Variants in EPHB2 observed in about 807,000 individuals in gnomAD.
The protein encoded by EPHB2 is ephrin type-B receptor 2.
Under a neutral mutation model 96.4 loss-of-function variants are expected in EPHB2, and 18 were observed. That is an observed-to-expected ratio of 0.19 (90% CI 0.13 to 0.28). The LOEUF (loss-of-function observed/expected upper bound fraction) is 0.28, where lower values mean the gene tolerates loss of function less well. EPHB2 is among the 10% of genes least tolerant of loss of function. The pLI is 1.00. For synonymous variants in EPHB2, 506 were observed against 534.1 expected (o/e 0.95, Z 0.72); for missense variants, 989 against 1,355.4 (o/e 0.73, Z 4.25).
At chr1:22,867,306 A>C (rs540010741) in intron 5 of EPHB2, among the ~76,000 whole-genome samples, 1 of 152,216 alleles carries the variant, frequency 6.6e-6, no homozygotes, top group Non-Finnish European at 1.5e-5. Context: ...ATTTGTGAGC[A>C]TGGATGTATC....
intron 5 of EPHB2, among the ~76,000 whole-genome samples, chr1:22,870,089 C>T (rs771533618): frequency 2.6e-5 from 4 of 152,102 alleles, no homozygotes; most frequent in Admixed American, 6.5e-5. Context: ...ATTCAGTGGT[C>T]GGTTTTAAAC....
chr1:22,755,173 C>G (rs4655097), intron 1 of EPHB2, among the ~76,000 whole-genome samples: 148,800 of 152,184 alleles, frequency 0.98, 72,844 homozygotes, highest in East Asian at 1. Flanking sequence ...TCAGTTTATG[C>G]CGTCCTAGAA....
chr1:22,914,025 C>T lies in EPHB2; in HGVS notation c.*455C>T. 1.0e-6 allele frequency: 1 copy of T among 981,252 alleles called. No individual in the cohort carries two copies. The allele number at this position is 981,252 out of a possible 1,614,324, so 60.8% of individuals were successfully genotyped here. A position where few individuals can be genotyped will look rare whatever the true frequency, so the allele number is the denominator to read the frequency against. ...GACAGGGGCCGCCCTTGGCTCCTGT[C>T]CCTGCTGCTCCTCTAGGCCTCACTC... On this transcript the variant is annotated 3_prime_UTR_variant, in exon 16 of 16. Transcript: ENST00000374630.
At position 22,913,706 on chromosome 1, in the gene EPHB2, T is replaced by C. The variant is rs750730184; in HGVS notation, c.*136T>C. 1.3e-6 allele frequency: 2 copies of C among 1,598,230 alleles called. No individual in the cohort carries two copies. The highest frequency in any genetic ancestry group is 2.2e-5 in the South Asian group (2 of 89,012). ...ACGGGCCACGGGAAGAACCAAGCGG[T>C]GCCAGCCACGAGACGTCACCAAGAA... On this transcript the variant is annotated 3_prime_UTR_variant, in exon 16 of 16. Transcript: ENST00000374630. The surrounding 1 kb of genome is among the most constrained non-coding windows in gnomAD (Gnocchi z 4.1).
At chr1:22,834,201 C>A (rs1645347115) in intron 3 of EPHB2, among the ~76,000 whole-genome samples, 1 of 152,168 alleles carries the variant, frequency 6.6e-6, no homozygotes, top group Non-Finnish European at 1.5e-5. Context: ...CTGCTCTCAA[C>A]AAAGAAAAAT....
At position 22,917,374 on chromosome 1, in the gene EPHB2, C is replaced by G. The variant is rs910318882; in HGVS notation, c.*3804C>G. The G allele has an allele frequency of 1.3e-5, 2 of 152,228 alleles. No homozygotes were observed. The highest frequency in any genetic ancestry group is 4.8e-5 in the African/African-American group (2 of 41,454). 9.4% of individuals were successfully genotyped at this position (152,228 alleles called of 1,614,324 possible). A position where few individuals can be genotyped will look rare whatever the true frequency, so the allele number is the denominator to read the frequency against. On this transcript the variant is annotated 3_prime_UTR_variant, in exon 16 of 16. Coordinates refer to ENST00000374630, the MANE Select transcript of EPHB2 (RefSeq NM_017449.5). ...GGCCCTGGGCCACTCCTGGCTCACT[C>G]CAGGGCCCCTGTTGTTTGAAGATGG...
At chr1:22,909,995 G>T (rs1021104637) in intron 13 of EPHB2, among the ~76,000 whole-genome samples, 1 of 152,164 alleles carries the variant, frequency 6.6e-6, no homozygotes, top group East Asian at 1.9e-4. Flanking sequence ...CAAGCATGTG[G>T]CCATGTGGGG....
intron 7 of EPHB2, among the ~76,000 whole-genome samples, chr1:22,894,858 G>A (rs7545400): frequency 0.039 from 5,973 of 152,116 alleles, 387 homozygotes; most frequent in African/African-American, 0.14. Context: ...GGACTGTTCC[G>A]AGATACGTAA....
rs186770294 is a variant in EPHB2 at position 22,804,256 on chromosome 1, A to C, written c.811+19180A>C. On this transcript the variant is annotated intron_variant, in intron 3 of 15. Coordinates refer to ENST00000374630, the MANE Select transcript of EPHB2 (RefSeq NM_017449.5). ...TCCTGCCCAGCACTGTGCCTGCCACACAGGAGGTGCTTAGTGGGTGGGGGA... is the reference window on the plus strand; with the variant it reads ...TCCTGCCCAGCACTGTGCCTGCCACCCAGGAGGTGCTTAGTGGGTGGGGGA... 1.3e-3 allele frequency among the ~76,000 whole-genome samples: 204 copies of C among 152,284 alleles called. 2 individuals carry two copies. The highest frequency in any genetic ancestry group is 4.2e-3 in the African/African-American group (175 of 41,542).
chr1:22,742,399 G>A (rs1236945876), intron 1 of EPHB2, among the ~76,000 whole-genome samples: 1 of 152,206 alleles, frequency 6.6e-6, no homozygotes, highest in Non-Finnish European at 1.5e-5. Context: ...GCTCTGTCCA[G>A]GTTCCCAGCT....
In EPHB2 at chr1:22,806,022, G is replaced by A. The variant is rs143167125; in HGVS notation, c.811+20946G>A. Among the ~76,000 whole-genome samples, 1,139 of 152,294 alleles carry A rather than the reference G, an allele frequency of 7.5e-3. 19 individuals are homozygous for A. The highest frequency in any genetic ancestry group is 0.026 in the African/African-American group (1,060 of 41,554). ...GTCCAGCCCTAATTGTGCAGGTGGG[G>A]AAACTGAGGCTGGGAAGTCACATAG... On this transcript the variant is annotated intron_variant, in intron 3 of 15. Coordinates refer to ENST00000374630, the MANE Select transcript of EPHB2 (RefSeq NM_017449.5).
chr1:22,738,882 C>T (rs1035363759), intron 1 of EPHB2, among the ~76,000 whole-genome samples: 7 of 152,114 alleles, frequency 4.6e-5, no homozygotes, highest in African/African-American at 7.2e-5. Flanking sequence ...AGTCCTTGAA[C>T]GGTTTGGACC....
chr1:22,789,407 G>C (rs1644660023), intron 3 of EPHB2, among the ~76,000 whole-genome samples: 1 of 152,214 alleles, frequency 6.6e-6, no homozygotes, highest in Non-Finnish European at 1.5e-5. Context: ...ACCATTCCTG[G>C]TGTGGGCAGT....
intron 1 of EPHB2, among the ~76,000 whole-genome samples, chr1:22,720,081 C>T (rs1052423552): frequency 6.6e-6 from 1 of 152,338 alleles, no homozygotes; most frequent in African/African-American, 2.4e-5. Flanking sequence ...TCCCCCTACG[C>T]TCCTCGCTAT....
chr1:22,711,645 G>C (rs1233368143), intron 1 of EPHB2, among the ~76,000 whole-genome samples: 1 of 151,998 alleles, frequency 6.6e-6, no homozygotes, highest in South Asian at 2.1e-4. Flanking sequence ...TCCCCTCCCC[G>C]AGAGGACTGC....
intron 1 of EPHB2, among the ~76,000 whole-genome samples, chr1:22,763,653 A>C (rs947203701): frequency 3.9e-5 from 6 of 152,146 alleles, no homozygotes; most frequent in African/African-American, 1.4e-4. Flanking sequence ...CACTTTCTCG[A>C]CTGAGGATGG....
At chr1:22,763,462 C>T (rs1319812865) in intron 1 of EPHB2, among the ~76,000 whole-genome samples, 1 of 152,140 alleles carries the variant, frequency 6.6e-6, no homozygotes, top group African/African-American at 2.4e-5. Context: ...CCAAGCCTCT[C>T]CTGGACAGGC....
intron 3 of EPHB2, among the ~76,000 whole-genome samples, chr1:22,791,459 CTTTCTTTCTTTCTT>C (rs1308465185): frequency 7.7e-6 from 1 of 130,682 alleles, no homozygotes; most frequent in Non-Finnish European, 1.6e-5. Context: ...TTCTTTCTTT[CTTTCTTTCTTTCTT>C]TTTTTTTTTT....
At chr1:22,763,962 C>G (rs1644270792) in intron 1 of EPHB2, among the ~76,000 whole-genome samples, 1 of 152,158 alleles carries the variant, frequency 6.6e-6, no homozygotes, top group Non-Finnish European at 1.5e-5. Context: ...TAACGCCAAC[C>G]CTCCCACCCC....
Sources: gnomAD v4.1 joint callset for allele counts (sites outside exome capture counted in the v4.1 genomes callset) on GRCh38, gnomAD v4.1.1 for gene constraint, Gnocchi (gnomAD v3.1) non-coding constraint, MANE v1.5 for transcripts, NCBI Gene and HGNC (gene_info 2026-07-23, HGNC 2026-07-21) for gene names.